Variants in NRG4 observed in about 807,000 individuals in gnomAD.
NRG4 encodes the protein pro-neuregulin-4, membrane-bound isoform.
Under a neutral mutation model 15.0 loss-of-function variants are expected in NRG4, and 10 were observed. The observed-to-expected ratio is 0.67, with a 90% CI of 0.41 to 1.13. The LOEUF (loss-of-function observed/expected upper bound fraction) is 1.13, where lower values mean the gene tolerates loss of function less well. Ranked by LOEUF, NRG4 falls within the 50% of genes most tolerant of loss-of-function variation. The pLI is 0.00. For synonymous variants in NRG4, 41 were observed against 50.1 expected, an observed-to-expected ratio of 0.82 and a Z score of 0.77; for missense variants, 139 against 140.2, an observed-to-expected ratio of 0.99 and a Z score of 0.04.
intron 5 of NRG4, among the ~76,000 whole-genome samples, chr15:76,035,384 G>A (rs1386330712): frequency 6.6e-6 from 1 of 152,218 alleles, no homozygotes; most frequent in Admixed American, 6.5e-5. Flanking sequence ...GAACAGGATT[G>A]TTATGACTGG....
intron 4 of NRG4, among the ~76,000 whole-genome samples, chr15:76,050,518 C>T (rs1417181807): frequency 2.1e-5 from 3 of 145,506 alleles, no homozygotes; most frequent in Non-Finnish European, 4.5e-5. Flanking sequence ...GCAACCTCCG[C>T]CTCCCAGGTT....
chr15:76,031,812 G>T (rs1371504306), intron 5 of NRG4, among the ~76,000 whole-genome samples: 1 of 152,176 alleles, frequency 6.6e-6, no homozygotes, highest in Admixed American at 6.5e-5. Flanking sequence ...CCAAGATCGT[G>T]CCATTGCATT....
chr15:75,969,808 TA>T (rs1334102308), intron 3 of NRG4, among the ~76,000 whole-genome samples: 3 of 152,338 alleles, frequency 2.0e-5, no homozygotes, highest in East Asian at 1.9e-4. Flanking sequence ...GTTACTAAAA[TA>T]AAAAGTGTTA....
At chr15:76,042,308 TAGA>T (rs756701106) in intron 4 of NRG4, among the ~76,000 whole-genome samples, 2 of 151,176 alleles carry the variant, frequency 1.3e-5, no homozygotes, top group Non-Finnish European at 3.0e-5. Flanking sequence ...CAAAAATCAG[TAGA>T]AGAATAAAGA....
In NRG4 at chr15:75,966,008, C is replaced by T. The variant is rs1004558124; in HGVS notation, c.105-4034G>A. 2.6e-4 allele frequency among the ~76,000 whole-genome samples: 40 copies of T among 152,322 alleles called. 1 individual carries two copies. The highest frequency in any genetic ancestry group is 9.4e-4 in the African/African-American group (39 of 41,570). On this transcript the variant is annotated intron_variant, in intron 3 of 5. Transcript: ENST00000394907. ...GCAATAAAGGATCACCCATGTTTTCCTGGAATTGAAGATGGATGCTGGAAC... is the reference window on the plus strand; with the variant it reads ...GCAATAAAGGATCACCCATGTTTTCTTGGAATTGAAGATGGATGCTGGAAC...
intron 5 of NRG4, among the ~76,000 whole-genome samples, chr15:75,944,050 A>G (rs1455813713): frequency 1.3e-5 from 2 of 151,914 alleles, no homozygotes; most frequent in African/African-American, 2.4e-5. Context: ...AGCAATGACA[A>G]TAATAGATGG....
At chr15:76,005,522 C>A (rs1044646559) in intron 3 of NRG4, among the ~76,000 whole-genome samples, 13 of 151,302 alleles carry the variant, frequency 8.6e-5, no homozygotes, top group Non-Finnish European at 1.8e-4. Flanking sequence ...CCCGCCTGTA[C>A]TAAAAACACA....
chr15:76,016,181 T>A (rs915689950), upstream of NRG4, among the ~76,000 whole-genome samples: 2 of 152,214 alleles, frequency 1.3e-5, no homozygotes, highest in Non-Finnish European at 2.9e-5. Context: ...TTCTGTGGGA[T>A]CAGTGGTAAT....
intron 3 of NRG4, among the ~76,000 whole-genome samples, chr15:76,002,700 G>A (rs531239471): frequency 6.6e-6 from 1 of 152,214 alleles, no homozygotes; most frequent in African/African-American, 2.4e-5. Context: ...CAGAGAGGTA[G>A]ACATTACAGC....
intron 5 of NRG4, among the ~76,000 whole-genome samples, chr15:76,023,456 C>T (rs2141930956): frequency 6.6e-6 from 1 of 152,270 alleles, no homozygotes. Context: ...ACTGCAAATG[C>T]CCACAGTCCT....
At chr15:76,049,736 C>T (rs2035952757) in intron 4 of NRG4, among the ~76,000 whole-genome samples, 1 of 150,910 alleles carries the variant, frequency 6.6e-6, no homozygotes, top group Admixed American at 6.6e-5. Flanking sequence ...ATGAGATTTT[C>T]AGATTACCAT....
chr15:75,992,050 C>T (rs1244887378), intron 3 of NRG4, among the ~76,000 whole-genome samples: 1 of 152,092 alleles, frequency 6.6e-6, no homozygotes, highest in Non-Finnish European at 1.5e-5. Flanking sequence ...CTAGGCCTTA[C>T]AGTACACATT....
At chr15:76,001,647 G>A (rs2034420894) in intron 3 of NRG4, among the ~76,000 whole-genome samples, 1 of 152,094 alleles carries the variant, frequency 6.6e-6, no homozygotes, top group African/African-American at 2.4e-5. Flanking sequence ...TACTAAGAAT[G>A]GGAGGTTAAA....
intron 4 of NRG4, among the ~76,000 whole-genome samples, chr15:76,048,713 C>T (rs1035435311): frequency 1.3e-5 from 2 of 150,538 alleles, no homozygotes; most frequent in African/African-American, 2.5e-5. Flanking sequence ...TAAAGACTTC[C>T]TATGCCCTTG....
chr15:76,026,087 A>G (rs569640133), intron 5 of NRG4, among the ~76,000 whole-genome samples: 35 of 152,312 alleles, frequency 2.3e-4, no homozygotes, highest in African/African-American at 8.4e-4. Context: ...AAAGAAGGGG[A>G]AAAAAGCTAG....
At chr15:75,955,819 A>C (rs972488807) in intron 5 of NRG4, 113 bp downstream of exon 5, 6 of 537,030 alleles carry the variant, frequency 1.1e-5, no homozygotes, top group Non-Finnish European at 1.9e-5. Flanking sequence ...ACCCATAGAA[A>C]AGTTTAGGCT....
At chr15:76,019,591 A>T (rs1222713210) in intron 5 of NRG4, among the ~76,000 whole-genome samples, 1 of 151,674 alleles carries the variant, frequency 6.6e-6, no homozygotes. Context: ...TCCCTTGGCT[A>T]GGGGGGTAGT....
intron 5 of NRG4, among the ~76,000 whole-genome samples, chr15:75,948,348 G>T (rs1461850652): frequency 1.5e-5 from 2 of 134,732 alleles, no homozygotes; most frequent in African/African-American, 5.7e-5. Context: ...TTTATTTATT[G>T]AGATGGAATC....
intron 5 of NRG4, among the ~76,000 whole-genome samples, chr15:75,953,020 G>A (rs2032004732): frequency 1.3e-5 from 2 of 152,014 alleles, no homozygotes; most frequent in South Asian, 4.1e-4. Flanking sequence ...TGTTTTTAAT[G>A]TTGATGAATC....
Sources: allele counts gnomAD v4.1 joint callset (sites outside exome capture counted in the v4.1 genomes callset), GRCh38; gene constraint gnomAD v4.1.1; transcripts MANE v1.5; gene names NCBI Gene and HGNC (gene_info 2026-07-23, HGNC 2026-07-21).